The following MCMDC2 variants were observed in gnomAD, a reference collection of about 807,000 sequenced individuals.
MCMDC2 encodes the protein minichromosome maintenance domain containing 2, also known as minichromosome maintenance domain-containing protein 2.
MCMDC2 carries 54 observed loss-of-function variants against 75.8 expected under a neutral mutation model. The observed-to-expected ratio is 0.71, with a 90% CI of 0.57 to 0.89. MCMDC2 has a LOEUF of 0.89. Ranked by LOEUF, MCMDC2 falls within the 40% of genes least tolerant of loss-of-function variation. The pLI is 0.00. For synonymous variants in MCMDC2, 249 were observed against 274.6 expected (o/e 0.91, Z 0.92); for missense variants, 656 against 780.4 (o/e 0.84, Z 1.90).
chr8:66,880,438 C>T (rs1811505342), intron 7 of MCMDC2, among the ~76,000 whole-genome samples: 1 of 152,130 alleles, frequency 6.6e-6, no homozygotes, highest in African/African-American at 2.4e-5. Context: ...AATGTTTTTA[C>T]AAGTACTTAC....
chr8:66,872,040 A>G (rs2130782671), intron 1 of MCMDC2, among the ~76,000 whole-genome samples: 1 of 152,190 alleles, frequency 6.6e-6, no homozygotes, highest in Admixed American at 6.5e-5. Flanking sequence ...CCTTCATTCC[A>G]CCCCAGAAAC....
In MCMDC2 at chr8:66,912,838, C is replaced by T. The variant is rs1035458022; in HGVS notation, c.1880-6165C>T. ...TAAGAGAAATACCTAATGTAGGTGA[C>T]GGGTTGATGGGTGCAGCAAACCACC... On this transcript the variant is annotated intron_variant, in intron 14 of 14. Coordinates refer to ENST00000422365, the MANE Select transcript of MCMDC2 (RefSeq NM_173518.5). Among the ~76,000 whole-genome samples the T allele has an allele frequency of 5.9e-5, 9 of 151,866 alleles. No homozygotes were observed. In the South Asian group the frequency reaches 8.3e-4, roughly 14 times the overall value.
chr8:66,922,479 G>A (rs537243970), downstream of MCMDC2: 1 of 518,532 alleles, frequency 1.9e-6, no homozygotes. Context: ...TGGCATCTCA[G>A]TCTTAAAATT....
chr8:66,875,054 A>G (rs981824303), intron 4 of MCMDC2, among the ~76,000 whole-genome samples: 8 of 152,028 alleles, frequency 5.3e-5, no homozygotes, highest in African/African-American at 1.7e-4. Context: ...GCGCCTGGCC[A>G]ACATTAAACA....
At chr8:66,915,312 C>T (rs751223464) in intron 14 of MCMDC2, among the ~76,000 whole-genome samples, 5 of 151,674 alleles carry the variant, frequency 3.3e-5, no homozygotes, top group African/African-American at 9.7e-5. Context: ...ATTAGTTGGG[C>T]GTAGTGGCGC....
At chr8:66,900,717 C>G (rs1812620016) in intron 12 of MCMDC2, among the ~76,000 whole-genome samples, 1 of 152,108 alleles carries the variant, frequency 6.6e-6, no homozygotes, top group Non-Finnish European at 1.5e-5. Context: ...TTATTCTCTA[C>G]CCAAATCTTA....
chr8:66,896,438 T>TAA, intron 11 of MCMDC2, 102 bp downstream of exon 11: 1 of 1,096,688 alleles, frequency 9.1e-7, no homozygotes, highest in South Asian at 1.7e-5. Flanking sequence ...TTTCTATACT[T>TAA]TATTGAGTAC....
At chr8:66,922,559 T>G (rs767937070), downstream of MCMDC2, 2 of 518,800 alleles carry the variant, frequency 3.9e-6, no homozygotes, top group Admixed American at 3.9e-5. Context: ...TGCCAGCTAT[T>G]AAACCTATCT....
chr8:66,875,737 T>G (rs933109087), intron 4 of MCMDC2, among the ~76,000 whole-genome samples: 1 of 152,240 alleles, frequency 6.6e-6, no homozygotes, highest in Non-Finnish European at 1.5e-5. Flanking sequence ...AAAACAAGGT[T>G]CACACATTAT....
chr8:66,895,908 T>A (rs1035633633), intron 10 of MCMDC2, among the ~76,000 whole-genome samples: 5 of 152,174 alleles, frequency 3.3e-5, no homozygotes, highest in African/African-American at 1.2e-4. Context: ...GCCCCCTGCC[T>A]AGTCCACTCA....
intron 1 of MCMDC2, chr8:66,871,538 A>C (rs1010066027): frequency 2.0e-5 from 3 of 152,188 alleles, no homozygotes; most frequent in Non-Finnish European, 4.4e-5. Flanking sequence ...ACTTGTAGGA[A>C]TATCCCAATA....
At chr8:66,900,187 A>T (rs1410656183) in intron 12 of MCMDC2, among the ~76,000 whole-genome samples, 2 of 152,062 alleles carry the variant, frequency 1.3e-5, no homozygotes, top group Non-Finnish European at 2.9e-5. Flanking sequence ...CTGTAATCCC[A>T]GCACTTTGGG....
chr8:66,897,468 A>G (rs1812416238), intron 12 of MCMDC2, among the ~76,000 whole-genome samples: 1 of 152,076 alleles, frequency 6.6e-6, no homozygotes, highest in Admixed American at 6.5e-5. Flanking sequence ...TTAGGGCTAT[A>G]ATTAAAGAAA....
At position 66,918,574 on chromosome 8, in the gene MCMDC2, G is replaced by A. The variant is rs540633231; in HGVS notation, c.1880-429G>A. Among the ~76,000 whole-genome samples the A allele has an allele frequency of 2.6e-5, 4 of 152,152 alleles. No homozygotes were observed. In the South Asian group the frequency reaches 8.3e-4, roughly 32 times the overall value. Reference sequence around the variant, plus strand: ...TTTATCTTTGATCGTCCACTTAGCCGTTATCAAATAAAGATTAGTATTTCT... The same window carrying A: ...TTTATCTTTGATCGTCCACTTAGCCATTATCAAATAAAGATTAGTATTTCT... On this transcript the variant is annotated intron_variant, in intron 14 of 14. Coordinates refer to ENST00000422365, the MANE Select transcript of MCMDC2 (RefSeq NM_173518.5).
intron 1 of MCMDC2, among the ~76,000 whole-genome samples, chr8:66,871,951 A>T (rs1390633613): frequency 6.6e-6 from 1 of 151,976 alleles, no homozygotes; most frequent in Non-Finnish European, 1.5e-5. Flanking sequence ...AAAAACTTTG[A>T]TGGCTTCCCT....
Position 66,875,004 on chromosome 8 carries a change from T to C in MCMDC2, c.285+418T>C, listed in dbSNP as rs544248833. 1.6e-4 allele frequency among the ~76,000 whole-genome samples: 24 copies of C among 152,266 alleles called. 1 individual carries two copies. In the South Asian group the frequency reaches 3.9e-3, roughly 25 times the overall value. ...CTCCTGACCTCATGATCCGCCCACA[T>C]TGGCACCCTGAAGTGCTGGGATTAC... is the stretch of plus-strand genomic sequence containing the variant. On this transcript the variant is annotated intron_variant, in intron 4 of 14. Coordinates refer to ENST00000422365, the MANE Select transcript of MCMDC2 (RefSeq NM_173518.5).
chr8:66,897,781 A>G (rs1231233375), intron 12 of MCMDC2, among the ~76,000 whole-genome samples: 2 of 152,234 alleles, frequency 1.3e-5, no homozygotes, highest in African/African-American at 4.8e-5. Context: ...AGAGTAAGTG[A>G]TGTAAATTTA....
At position 66,921,918 on chromosome 8, in the gene MCMDC2, A is replaced by G. The variant is rs1288258502; in HGVS notation, c.*2749A>G. On this transcript the variant is annotated 3_prime_UTR_variant, in exon 15 of 15. Coordinates refer to ENST00000422365, the MANE Select transcript of MCMDC2 (RefSeq NM_173518.5). ...ACAGGTCTGACTAGTGACTATGAGA[A>G]TGGAGCTATTTAGAGTTGATTTAAA... 6.6e-6 allele frequency: 1 copy of G among 152,384 alleles called. No homozygotes were observed. The highest frequency in any genetic ancestry group is 1.5e-5 in the Non-Finnish European group (1 of 68,166). The allele number at this position is 152,384 out of a possible 1,614,324, so 9.4% of individuals were successfully genotyped here. A position where few individuals can be genotyped will look rare whatever the true frequency, so the allele number is the denominator to read the frequency against.
chr8:66,913,202 A>G (rs1813181444), intron 14 of MCMDC2, among the ~76,000 whole-genome samples: 1 of 152,204 alleles, frequency 6.6e-6, no homozygotes, highest in Non-Finnish European at 1.5e-5. Context: ...TTTAGCAATA[A>G]AGCATTTTTA....
Sources: gnomAD v4.1 joint callset for allele counts (sites outside exome capture counted in the v4.1 genomes callset) on GRCh38, gnomAD v4.1.1 for gene constraint, MANE v1.5 for transcripts, NCBI Gene and HGNC (gene_info 2026-07-23, HGNC 2026-07-21) for gene names.